Variants in SYNE1 observed in about 807,000 individuals in gnomAD.
SYNE1 encodes the protein spectrin repeat containing nuclear envelope protein 1.
A neutral mutation model predicts 1,111.0 loss-of-function variants in SYNE1; 616 were observed. The observed-to-expected ratio is 0.55, with a 90% CI of 0.52 to 0.59. SYNE1 has a LOEUF of 0.59. Ranked by LOEUF, SYNE1 falls within the 20% of genes least tolerant of loss-of-function variation. SYNE1 has a pLI of 0.00. For synonymous variants in SYNE1, 3,855 were observed against 3,825.8 expected (o/e 1.01, Z -0.28); for missense variants, 10,006 against 10,417.0 (o/e 0.96, Z 1.72).
At chr6:152,191,216 ATTG>A (rs973366801) in intron 127 of SYNE1, among the ~76,000 whole-genome samples, 1 of 141,790 alleles carries the variant, frequency 7.1e-6, no homozygotes, top group Non-Finnish European at 1.5e-5. Context: ...CATCAGAGAT[ATTG>A]TTCTATAATT....
At chr6:152,605,059 AG>A in intron 3 of SYNE1, among the ~76,000 whole-genome samples, 2 of 45,196 alleles carry the variant, frequency 4.4e-5, no homozygotes, top group Non-Finnish European at 8.6e-5. Context: ...GGAGGGAGGG[AG>A]GGAGGGAGGG....
chr6:152,172,349 C>T (rs1183920172), intron 130 of SYNE1, among the ~76,000 whole-genome samples: 1 of 151,928 alleles, frequency 6.6e-6, no homozygotes, highest in African/African-American at 2.4e-5. Context: ...GATTATATCC[C>T]CAAAAAAGCT....
intron 78 of SYNE1, among the ~76,000 whole-genome samples, chr6:152,327,418 T>C (rs1232331227): frequency 6.6e-6 from 1 of 152,208 alleles, no homozygotes; most frequent in Non-Finnish European, 1.5e-5. Context: ...CCTGTGAGTC[T>C]TGTATACAGA....
intron 137 of SYNE1, chr6:152,145,403 G>C (rs2059297368): frequency 9.0e-6 from 12 of 1,331,846 alleles, no homozygotes; most frequent in Non-Finnish European, 4.3e-6. Flanking sequence ...CCACAAAGCT[G>C]GGAGAGAGAC....
At chr6:152,233,576 C>T (rs1309499868) in intron 112 of SYNE1, among the ~76,000 whole-genome samples, 1 of 152,184 alleles carries the variant, frequency 6.6e-6, no homozygotes, top group Non-Finnish European at 1.5e-5. Flanking sequence ...CCACCCTCCT[C>T]AGCCTCCCTA....
At chr6:152,337,228 A>C (rs1323976285) in intron 75 of SYNE1, among the ~76,000 whole-genome samples, 1 of 152,208 alleles carries the variant, frequency 6.6e-6, no homozygotes, top group African/African-American at 2.4e-5. Flanking sequence ...TAGGGTTCCT[A>C]AAGACTTTAA....
chr6:152,221,027 C>T lies in SYNE1; in HGVS notation c.21676G>A (p.Glu7226Lys). 1.2e-6 allele frequency: 2 copies of T among 1,614,102 alleles called. No individual in the cohort carries two copies. The highest frequency in any genetic ancestry group is 1.7e-6 in the Non-Finnish European group (2 of 1,179,992). Residue 7226 changes from glutamate (E) to lysine (K), a missense_variant, in exon 119 of 146, where the codon GAG becomes AAG. Glu to Lys is a moderately conservative substitution (Grantham distance 56, BLOSUM62 1). Transcript: ENST00000367255. ...VNMRWNNLLE[E>K]IAEQLQSSKA... ...CTGGACTGTAGCTGCTCAGCAATCTCTTCCAGCAAGTTATTCCATCTGGAA... is the reference window on the plus strand; with the variant it reads ...CTGGACTGTAGCTGCTCAGCAATCTTTTCCAGCAAGTTATTCCATCTGGAA...
chr6:152,580,157 C>T (rs540700353), intron 3 of SYNE1, among the ~76,000 whole-genome samples: 1 of 152,278 alleles, frequency 6.6e-6, no homozygotes, highest in Non-Finnish European at 1.5e-5. Flanking sequence ...CCCTTTTTCT[C>T]CACAACCTTA....
At chr6:152,479,812 G>A (rs1037838226) in intron 14 of SYNE1, among the ~76,000 whole-genome samples, 2 of 152,082 alleles carry the variant, frequency 1.3e-5, no homozygotes, top group South Asian at 2.1e-4. Context: ...ACATATATAC[G>A]TTAATTTTTC....
At chr6:152,151,847 C>A in intron 134 of SYNE1, 112 bp downstream of exon 134, 1 of 1,494,288 alleles carries the variant, frequency 6.7e-7, no homozygotes, top group South Asian at 1.2e-5. Flanking sequence ...CCGGTTTACT[C>A]CTCCTGCCAT....
At chr6:152,400,068 A>C (rs2097789282) in intron 47 of SYNE1, among the ~76,000 whole-genome samples, 1 of 152,118 alleles carries the variant, frequency 6.6e-6, no homozygotes, top group African/African-American at 2.4e-5. Context: ...ATAATTTAGC[A>C]TTTCAAGCAA....
intron 130 of SYNE1, 23 bp downstream of exon 130, chr6:152,176,371 C>G: frequency 6.2e-7 from 1 of 1,613,830 alleles, no homozygotes; most frequent in Non-Finnish European, 8.5e-7. Context: ...CACACGTGCC[C>G]TATTGACTCA....
Position 152,399,059 on chromosome 6 carries a change from A to G in SYNE1, c.7238-328T>C, listed in dbSNP as rs492904. ...GCCTGAATATGTAAAAAGTGCAAGG[A>G]GAGAAATGCTCCAGGGACATTAAAG... On this transcript the variant is annotated intron_variant, in intron 48 of 145. Transcript: ENST00000367255. Among the ~76,000 whole-genome samples, 59,574 of 151,984 alleles carry G rather than the reference A, an allele frequency of 0.39. 12,154 individuals carry two copies. The highest frequency in any genetic ancestry group is 0.76 in the East Asian group (3,901 of 5,158).
At chr6:152,358,014 CCTT>C (rs2096867246) in intron 66 of SYNE1, among the ~76,000 whole-genome samples, 1 of 152,200 alleles carries the variant, frequency 6.6e-6, no homozygotes, top group Non-Finnish European at 1.5e-5. Context: ...CTTTGTGTCA[CCTT>C]CTAATGACTT....
At chr6:152,601,760 G>A (rs1269122593) in intron 3 of SYNE1, among the ~76,000 whole-genome samples, 2 of 152,144 alleles carry the variant, frequency 1.3e-5, no homozygotes, top group East Asian at 3.9e-4. Flanking sequence ...TCATTGAGAG[G>A]ACTGGTTCCT....
intron 3 of SYNE1, among the ~76,000 whole-genome samples, chr6:152,561,595 C>T (rs1205590960): frequency 6.6e-6 from 1 of 151,788 alleles, no homozygotes; most frequent in East Asian, 1.9e-4. Flanking sequence ...TGTATGGAAC[C>T]ATCAAAGACC....
At chr6:152,541,956 GA>G (rs1013782991) in intron 3 of SYNE1, among the ~76,000 whole-genome samples, 4 of 149,340 alleles carry the variant, frequency 2.7e-5, no homozygotes, top group Middle Eastern at 6.8e-3. Context: ...AATAAAAGTT[GA>G]AAAAAAAAGA....
chr6:152,462,505 G>GA (rs375767488), intron 20 of SYNE1: 2,230 of 544,032 alleles, frequency 4.1e-3, no homozygotes, highest in South Asian at 7.8e-3. Context: ...CTTGGTTGTA[G>GA]AAAAAAAAAA....
chr6:152,239,078 T>C (rs969389235), intron 108 of SYNE1, among the ~76,000 whole-genome samples: 14 of 151,890 alleles, frequency 9.2e-5, no homozygotes, highest in African/African-American at 2.9e-4. Flanking sequence ...TTTGTATTTT[T>C]AGTAGAGACG....
Sources: allele counts gnomAD v4.1 joint callset (sites outside exome capture counted in the v4.1 genomes callset), GRCh38; gene constraint gnomAD v4.1.1; transcripts MANE v1.5; gene names NCBI Gene and HGNC (gene_info 2026-07-23, HGNC 2026-07-21).